The following RAMP1 variants were observed in gnomAD, a reference collection of about 807,000 sequenced individuals.
The protein encoded by RAMP1 is receptor activity-modifying protein 1.
RAMP1 carries 7 observed loss-of-function variants against 8.2 expected under a neutral mutation model. The ratio of observed to expected loss-of-function variants is 0.85; its 90% CI spans 0.49 to 1.60. The LOEUF (loss-of-function observed/expected upper bound fraction) is 1.60, where lower values mean the gene tolerates loss of function less well. Ranked by LOEUF, RAMP1 falls within the 40% of genes most tolerant of loss-of-function variation. RAMP1 has a pLI of 0.00. For synonymous variants in RAMP1, 92 were observed against 84.7 expected, an observed-to-expected ratio of 1.09 and a Z score of -0.47; for missense variants, 192 against 202.4, an observed-to-expected ratio of 0.95 and a Z score of 0.31.
At chr2:237,860,206 C>G (rs1051110312) in intron 1 of RAMP1, among the ~76,000 whole-genome samples, 1 of 152,208 alleles carries the variant, frequency 6.6e-6, no homozygotes, top group Non-Finnish European at 1.5e-5. Flanking sequence ...GAACCACAGC[C>G]GGTTTGTATG....
At chr2:237,872,533 T>C (rs369725254) in intron 1 of RAMP1, among the ~76,000 whole-genome samples, 71 of 152,262 alleles carry the variant, frequency 4.7e-4, no homozygotes, top group African/African-American at 1.5e-3. Flanking sequence ...CAGACATGGG[T>C]CACCCACAGC....
Position 237,909,618 on chromosome 2 carries a change from G to A in RAMP1, c.192-1910G>A, listed in dbSNP as rs181416759. ...CCGGCGTGGTCTGGGCTCTACCCAC[G>A]GCCAGTGATGTCTCAGAGCCTCAGT... On this transcript the variant is annotated intron_variant, in intron 2 of 2. Coordinates refer to ENST00000254661, the MANE Select transcript of RAMP1 (RefSeq NM_005855.4). 1.4e-3 allele frequency among the ~76,000 whole-genome samples: 209 copies of A among 152,222 alleles called. 1 individual carries two copies. The highest frequency in any genetic ancestry group is 4.6e-3 in the African/African-American group (192 of 41,526).
At chr2:237,908,657 T>G (rs13013232) in intron 2 of RAMP1, among the ~76,000 whole-genome samples, 2 of 151,930 alleles carry the variant, frequency 1.3e-5, no homozygotes, top group Non-Finnish European at 2.9e-5. Context: ...AGGCTGGTCT[T>G]GAACTCCTGA....
At chr2:237,900,394 C>T (rs1441255754) in intron 2 of RAMP1, among the ~76,000 whole-genome samples, 1 of 152,148 alleles carries the variant, frequency 6.6e-6, no homozygotes, top group African/African-American at 2.4e-5. Flanking sequence ...CTCCTGAGCT[C>T]AAGTGATCTG....
At chr2:237,873,931 G>C (rs1343609116) in intron 1 of RAMP1, among the ~76,000 whole-genome samples, 1 of 152,230 alleles carries the variant, frequency 6.6e-6, no homozygotes, top group Non-Finnish European at 1.5e-5. Flanking sequence ...TGGGACTCTG[G>C]GCTCCCATAG....
intron 2 of RAMP1, among the ~76,000 whole-genome samples, chr2:237,895,553 C>T (rs2062533434): frequency 6.6e-6 from 1 of 152,144 alleles, no homozygotes; most frequent in Non-Finnish European, 1.5e-5. Context: ...GGCTGCTACC[C>T]CGATGGAGGC....
chr2:237,908,244 A>G (rs1360918563), intron 2 of RAMP1, among the ~76,000 whole-genome samples: 3 of 152,100 alleles, frequency 2.0e-5, no homozygotes, highest in African/African-American at 7.2e-5. Flanking sequence ...TACCAAGGTT[A>G]TGTTCAAGGC....
chr2:237,902,539 C>T (rs2062612629), intron 2 of RAMP1, among the ~76,000 whole-genome samples: 1 of 152,130 alleles, frequency 6.6e-6, no homozygotes, highest in Admixed American at 6.5e-5. Context: ...CCCCCACTCA[C>T]CCTTCCACAG....
intron 2 of RAMP1, among the ~76,000 whole-genome samples, chr2:237,887,838 G>A (rs1411178065): frequency 1.3e-5 from 2 of 152,178 alleles, no homozygotes; most frequent in African/African-American, 4.8e-5. Context: ...GGCTGAAGTG[G>A]GAGGATCGCC....
intron 1 of RAMP1, among the ~76,000 whole-genome samples, chr2:237,867,852 A>G (rs184401142): frequency 1.3e-5 from 2 of 152,250 alleles, no homozygotes; most frequent in East Asian, 3.9e-4. Context: ...CCCAAGATAC[A>G]GGTTGTGGAC....
At chr2:237,871,116 G>C (rs546376441) in intron 1 of RAMP1, among the ~76,000 whole-genome samples, 1 of 152,188 alleles carries the variant, frequency 6.6e-6, no homozygotes, top group East Asian at 1.9e-4. Context: ...TCCTCTTCTC[G>C]CAACCGCCCC....
chr2:237,860,764 A>G (rs1296169158), intron 1 of RAMP1, among the ~76,000 whole-genome samples: 1 of 152,128 alleles, frequency 6.6e-6, no homozygotes, highest in East Asian at 1.9e-4. Flanking sequence ...GCACTGGGCA[A>G]GCAGGGACCA....
chr2:237,877,471 G>T lies in RAMP1; in HGVS notation c.191+109G>T. Reference sequence around the variant, plus strand: ...TGTGGAAGATCCTTTCTAGACCCCGGAAGGGTTCTTCCCCCAGTGGGGGGG... The same window carrying T: ...TGTGGAAGATCCTTTCTAGACCCCGTAAGGGTTCTTCCCCCAGTGGGGGGG... On this transcript the variant is annotated intron_variant, in intron 2 of 2. Transcript: ENST00000254661. This position sits in a 1 kb window ranked among gnomAD's most constrained non-coding sequence, Gnocchi z 4.4. 1 of 1,425,928 alleles carries T rather than the reference G, an allele frequency of 7.0e-7. No homozygotes were observed. The highest frequency in any genetic ancestry group is 9.4e-7 in the Non-Finnish European group (1 of 1,068,618). The allele number at this position is 1,425,928 out of a possible 1,614,324, so 88.3% of individuals were successfully genotyped here.
chr2:237,881,288 T>G lies in RAMP1; in HGVS notation c.191+3926T>G, dbSNP rs564382579. Among the ~76,000 whole-genome samples, 4 of 152,274 alleles carry G rather than the reference T, an allele frequency of 2.6e-5. No individual in the cohort carries two copies. In the East Asian group the frequency reaches 7.7e-4, roughly 29 times the overall value. ...CTGTATAGTACTCCGCCGTGCAGAG[T>G]CTTTCAGCCATTTTCCTTTCAGCCA... On this transcript the variant is annotated intron_variant, in intron 2 of 2. Coordinates refer to ENST00000254661, the MANE Select transcript of RAMP1 (RefSeq NM_005855.4).
chr2:237,881,757 T>TA (rs1166107100), intron 2 of RAMP1, among the ~76,000 whole-genome samples: 1 of 152,282 alleles, frequency 6.6e-6, no homozygotes, highest in African/African-American at 2.4e-5. Context: ...TCAGGTCGTT[T>TA]TTAAAGAGTT....
At chr2:237,900,529 T>A (rs2062586819) in intron 2 of RAMP1, among the ~76,000 whole-genome samples, 1 of 152,210 alleles carries the variant, frequency 6.6e-6, no homozygotes, top group Admixed American at 6.5e-5. Flanking sequence ...TTGTTCTTTT[T>A]AAAAAATATC....
In RAMP1 at chr2:237,911,865, T is replaced by C. The variant is rs1274653914; in HGVS notation, c.*82T>C. 6.7e-7 allele frequency: 1 copy of C among 1,498,712 alleles called. No homozygotes were observed. Among genetic ancestry groups the C allele is most frequent in the African/African-American group, 1.4e-5 (1 of 71,976 alleles). The allele number at this position is 1,498,712 out of a possible 1,614,324, so 92.8% of individuals were successfully genotyped here. On this transcript the variant is annotated 3_prime_UTR_variant, in exon 3 of 3. Coordinates refer to ENST00000254661, the MANE Select transcript of RAMP1 (RefSeq NM_005855.4). ...CTGGGTAGGGGCAGCTTCTGGAGCC[T>C]TGGGACAGAGCAGGCCCACAATGCC...
intron 1 of RAMP1, among the ~76,000 whole-genome samples, chr2:237,867,634 C>T (rs13384937): frequency 0.1 from 15,185 of 152,106 alleles, 1,786 homozygotes; most frequent in African/African-American, 0.28. Context: ...CTGGCACTGG[C>T]GAGGCTGTGA....
intron 2 of RAMP1, among the ~76,000 whole-genome samples, chr2:237,884,697 G>A (rs1001494993): frequency 1.3e-5 from 2 of 152,202 alleles, no homozygotes; most frequent in Non-Finnish European, 2.9e-5. Context: ...CTGGGCCCCA[G>A]AGAACCAGAC....
Sources: gnomAD v4.1 joint callset for allele counts (sites outside exome capture counted in the v4.1 genomes callset) on GRCh38, gnomAD v4.1.1 for gene constraint, Gnocchi (gnomAD v3.1) non-coding constraint, MANE v1.5 for transcripts, NCBI Gene and HGNC (gene_info 2026-07-23, HGNC 2026-07-21) for gene names.